The following GNE variants were observed in gnomAD, a reference collection of about 807,000 sequenced individuals.
GNE encodes the protein glucosamine (UDP-N-acetyl)-2-epimerase/N-acetylmannosamine kinase.
A neutral mutation model predicts 61.8 loss-of-function variants in GNE; 41 were observed. That is an observed-to-expected ratio of 0.66 (90% CI 0.52 to 0.86). The LOEUF (loss-of-function observed/expected upper bound fraction) is 0.86. Among genes scored for constraint, GNE ranks in the 40% least tolerant of loss-of-function variants. GNE has a pLI of 0.00. For missense variants in GNE, 608 were observed against 909.1 expected, an observed-to-expected ratio of 0.67 and a Z score of 4.26; for synonymous variants, 264 against 326.4, an observed-to-expected ratio of 0.81 and a Z score of 2.06.
Position 36,214,506 on chromosome 9 carries a change from A to T in GNE, c.*2859T>A, listed in dbSNP as rs1193061509. Reference sequence around the variant, plus strand: ...GCTCAGAACAGTAACAAAAATATTTACATTAAAATAAATTAACATGCAATT... The same window carrying T: ...GCTCAGAACAGTAACAAAAATATTTTCATTAAAATAAATTAACATGCAATT... On this transcript the variant is annotated 3_prime_UTR_variant, in exon 12 of 12. Coordinates refer to ENST00000642385, the MANE Select transcript of GNE (RefSeq NM_005476.7). 3.9e-5 allele frequency: 6 copies of T among 152,264 alleles called. No individual in the cohort carries two copies. In the East Asian group the frequency reaches 1.2e-3, roughly 29 times the overall value. The allele number at this position is 152,264 out of a possible 1,614,324, so 9.4% of individuals were successfully genotyped here.
intron 1 of GNE, among the ~76,000 whole-genome samples, chr9:36,274,940 G>A (rs939480993): frequency 1.2e-4 from 18 of 152,084 alleles, no homozygotes; most frequent in African/African-American, 4.1e-4. Flanking sequence ...TAGCCAGGAT[G>A]GTCTTGATCT....
rs894310094 is a variant in GNE, at chr9:36,217,465, G to A, written c.2069C>T (p.Ser690Phe). The A allele has an allele frequency of 1.2e-6, 2 of 1,614,106 alleles. No homozygotes were observed. The highest frequency in any genetic ancestry group is 1.7e-6 in the Non-Finnish European group (2 of 1,179,946). Reference sequence around the variant, plus strand: ...AACCACCACATCCACGTCCTGCACGGAGGACAAGGCCTGCTGGCGAATGAC... The same window carrying A: ...AACCACCACATCCACGTCCTGCACGAAGGACAAGGCCTGCTGGCGAATGAC... ...KDVIRQQALSSVQDVDVVVSD... is the reference protein window; with the variant it reads ...KDVIRQQALSFVQDVDVVVSD... Residue 690 changes from serine to phenylalanine, a missense_variant, in exon 12 of 12, where the codon TCC becomes TTC. Physicochemically the swap from Ser to Phe is radical, Grantham distance 155 (BLOSUM62 -2). Coordinates refer to ENST00000642385, the MANE Select transcript of GNE (RefSeq NM_005476.7).
intron 5 of GNE, among the ~76,000 whole-genome samples, chr9:36,232,267 T>A (rs1829190170): frequency 6.6e-6 from 1 of 152,034 alleles, no homozygotes; most frequent in Non-Finnish European, 1.5e-5. Flanking sequence ...TCAAAGCCAC[T>A]ATCATCTCTC....
chr9:36,223,341 G>A (rs752735026), intron 8 of GNE, 32 bp downstream of exon 8: 2 of 1,587,700 alleles, frequency 1.3e-6, no homozygotes, highest in Non-Finnish European at 1.7e-6. Context: ...ATTAAAATGA[G>A]CATTTCTTGG....
At chr9:36,237,655 T>TA (rs34336521) in intron 3 of GNE, among the ~76,000 whole-genome samples, 46,156 of 151,802 alleles carry the variant, frequency 0.3, 7,429 homozygotes, top group Non-Finnish European at 0.36. Context: ...CTTTTTTTTT[T>TA]AATTAAGTTT....
rs552282953 is a variant in GNE at position 36,215,780 on chromosome 9, A to G, written c.*1585T>C. On this transcript the variant is annotated 3_prime_UTR_variant, in exon 12 of 12. Transcript: ENST00000642385. ...CTTTGGCTTTTGTATTTTGACACCA[A>G]TGAAAACACGAATCATGTAGACAGA... The G allele has an allele frequency of 2.6e-5, 4 of 152,520 alleles. No homozygotes were observed. Among genetic ancestry groups the G allele is most frequent in the East Asian group, 1.9e-4 (1 of 5,192 alleles). 9.4% of individuals were successfully genotyped at this position (152,520 alleles called of 1,614,324 possible).
Position 36,257,802 on chromosome 9 carries a change from C to CAAAAAAAAAAAAAAA in GNE, c.-43+504_-43+518dup, listed in dbSNP as rs60845805. On this transcript the variant is annotated intron_variant, in intron 1 of 11. Transcript: ENST00000642385. ...TGGGCGACAGAGCGAGACTCAGTCTCAAAAAAAAAAAAAAAAAAAAAAAAA... is the reference window on the plus strand; with the variant it reads ...TGGGCGACAGAGCGAGACTCAGTCTCAAAAAAAAAAAAAAAAAAAAAAAAAAAAAAAAAAAAAAAA... Among the ~76,000 whole-genome samples the CAAAAAAAAAAAAAAA allele has an allele frequency of 6.7e-4, 17 of 25,242 alleles. 1 individual carries two copies. Among genetic ancestry groups the CAAAAAAAAAAAAAAA allele is most frequent in the African/African-American group, 1.4e-3 (11 of 7,820 alleles). 16.6% of individuals were successfully genotyped at this position (25,242 alleles called of 152,430 possible). A position where few individuals can be genotyped will look rare whatever the true frequency, so the allele number is the denominator to read the frequency against.
At chr9:36,271,530 C>T (rs951108136) in intron 1 of GNE, among the ~76,000 whole-genome samples, 5 of 152,140 alleles carry the variant, frequency 3.3e-5, no homozygotes, top group African/African-American at 4.8e-5. Context: ...CCTGCCATCA[C>T]ACCTGGCTAA....
intron 1 of GNE, among the ~76,000 whole-genome samples, chr9:36,269,368 C>G (rs1402516530): frequency 1.3e-5 from 2 of 151,756 alleles, no homozygotes; most frequent in Non-Finnish European, 2.9e-5. Flanking sequence ...TCCATTATCA[C>G]TTCCATGTAG....
At chr9:36,241,718 C>T (rs1402773286) in intron 3 of GNE, among the ~76,000 whole-genome samples, 1 of 151,950 alleles carries the variant, frequency 6.6e-6, no homozygotes, top group Non-Finnish European at 1.5e-5. Context: ...TTTAACATGC[C>T]TTTTTAACAT....
chr9:36,215,944 T>C lies in GNE; in HGVS notation c.*1421A>G. The C allele has an allele frequency of 4.8e-6, 1 of 208,112 alleles. No homozygotes were observed. The highest frequency in any genetic ancestry group is 1.0e-5 in the Non-Finnish European group (1 of 100,054). The allele number at this position is 208,112 out of a possible 1,614,324, so 12.9% of individuals were successfully genotyped here. ...GTAGCAAAGATCCTTTTGGGACAGT[T>C]AATCTCCTTTTAAAGGCTCTAAGTC... On this transcript the variant is annotated 3_prime_UTR_variant, in exon 12 of 12. Transcript: ENST00000642385.
chr9:36,227,160 C>CT lies in GNE; in HGVS notation c.1281+87dup. 2.5e-6 allele frequency: 2 copies of CT among 795,896 alleles called. 1 individual carries two copies. Among genetic ancestry groups the CT allele is most frequent in the South Asian group, 2.9e-5 (2 of 69,820 alleles). The allele number at this position is 795,896 out of a possible 1,614,324, so 49.3% of individuals were successfully genotyped here. ...TGATTACAAGCTCTTGTGTATGTTT[C>CT]TAGTCTTACCTTCCAACTATATATA... is the stretch of plus-strand genomic sequence containing the variant. On this transcript the variant is annotated intron_variant, in intron 7 of 11. Transcript: ENST00000642385.
At chr9:36,228,063 A>G (rs1587297397) in intron 6 of GNE, among the ~76,000 whole-genome samples, 1 of 151,344 alleles carries the variant, frequency 6.6e-6, no homozygotes, top group East Asian at 1.9e-4. Context: ...AACCAACAAT[A>G]ACAAAAAAGA....
chr9:36,218,381 C>T lies in GNE; in HGVS notation c.1817-82G>A. 1 of 923,650 alleles carries T rather than the reference C, an allele frequency of 1.1e-6. No homozygotes were observed. The highest frequency in any genetic ancestry group is 1.8e-6 in the Non-Finnish European group (1 of 555,058). The allele number at this position is 923,650 out of a possible 1,614,324, so 57.2% of individuals were successfully genotyped here. ...ACCACTGGGCCTGTGGAAAGCAAGC[C>T]CCTACATGGGAAGACGGTGTTTTCT... On this transcript the variant is annotated intron_variant, in intron 10 of 11. Transcript: ENST00000642385. The surrounding 1 kb of genome is among the most constrained non-coding windows in gnomAD (Gnocchi z 4.1).
Position 36,222,943 on chromosome 9 carries a change from G to A in GNE, c.1467C>T (p.Thr489=), listed in dbSNP as rs1235105944. The A allele has an allele frequency of 1.9e-6, 3 of 1,614,148 alleles. No homozygotes were observed. The highest frequency in any genetic ancestry group is 2.5e-6 in the Non-Finnish European group (3 of 1,180,038). Residue 489 remains threonine (T), a synonymous_variant, in exon 9 of 12, where the codon ACC becomes ACT. Transcript: ENST00000642385. ...NPREGIVLHS[T]KLIQEWNSVD... is the part of the protein sequence containing the mutation. ...CAGAGTTCCACTCTTGGATCAGTTT[G>A]GTTGAATGCAGCACAATTCCTTCCC...
chr9:36,242,627 C>T (rs1829684912), intron 3 of GNE, among the ~76,000 whole-genome samples: 1 of 151,854 alleles, frequency 6.6e-6, no homozygotes, highest in Non-Finnish European at 1.5e-5. Flanking sequence ...ACCATGTTGG[C>T]CAGGATGGTC....
intron 4 of GNE, among the ~76,000 whole-genome samples, chr9:36,235,082 A>G (rs1225373123): frequency 6.6e-6 from 1 of 152,216 alleles, no homozygotes; most frequent in Non-Finnish European, 1.5e-5. Flanking sequence ...TACTTACCAG[A>G]TCAGCATCCC....
chr9:36,223,611 G>A (rs770865920), intron 7 of GNE, 109 bp from the exon 8 acceptor site: 18 of 1,166,780 alleles, frequency 1.5e-5, no homozygotes, highest in East Asian at 4.7e-5. Context: ...GGATGGCCCC[G>A]CAGTCTTAGA....
upstream of GNE, among the ~76,000 whole-genome samples, chr9:36,262,716 A>C (rs1830650395): frequency 6.6e-6 from 1 of 152,178 alleles, no homozygotes. Context: ...GAGATCCTCT[A>C]ATCTAACCTT....
Sources: gnomAD v4.1 joint callset for allele counts (sites outside exome capture counted in the v4.1 genomes callset) on GRCh38, gnomAD v4.1.1 for gene constraint, Gnocchi (gnomAD v3.1) non-coding constraint, MANE v1.5 for transcripts, NCBI Gene and HGNC (gene_info 2026-07-23, HGNC 2026-07-21) for gene names.